MYH6: variants seen among roughly 807,000 people sequenced by gnomAD.
The protein encoded by MYH6 is myosin-6.
In MYH6, 126 loss-of-function variants were observed where a neutral mutation model predicts 223.2. The ratio of observed to expected loss-of-function variants is 0.56; its 90% CI spans 0.49 to 0.65. The LOEUF is 0.65. Among genes scored for constraint, MYH6 ranks in the 30% least tolerant of loss-of-function variants. The probability of loss-of-function intolerance (pLI) is 0.00; values close to 1 mark genes in which losing one functional copy is unlikely to be tolerated. For missense variants in MYH6, 2,040 were observed against 2,536.4 expected, an observed-to-expected ratio of 0.80 and a Z score of 4.20; for synonymous variants, 978 against 1,010.2, an observed-to-expected ratio of 0.97 and a Z score of 0.61.
intron 38 of MYH6, 138 bp downstream of exon 38, chr14:23,382,289 TG>T: frequency 7.4e-7 from 1 of 1,356,982 alleles, no homozygotes; most frequent in African/African-American, 1.4e-5. Context: ...AGCAGGAGAG[TG>T]GATTCTCAGG....
chr14:23,403,671 CAG>C (rs1566515559), intron 9 of MYH6, 42 bp downstream of exon 9: 1 of 1,557,260 alleles, frequency 6.4e-7, no homozygotes, highest in South Asian at 1.1e-5. Flanking sequence ...GGAGAGAAGG[CAG>C]AGGGGGACCT....
Position 23,388,112 on chromosome 14 carries a change from C to T in MYH6, c.4359+43G>A, listed in dbSNP as rs1891095114. 3 of 1,612,114 alleles carry T rather than the reference C, an allele frequency of 1.9e-6. No homozygotes were observed. The East Asian group carries it at 6.7e-5, about 36-fold the overall frequency. ...GGCCTCTCACTGAACCCCTCATGCC[C>T]CCTTGCCCTGCATGCTGGCTGCGGC... On this transcript the variant is annotated intron_variant, in intron 30 of 38. Coordinates refer to ENST00000405093, the MANE Select transcript of MYH6 (RefSeq NM_002471.4).
In MYH6 at chr14:23,384,640, C is replaced by T. The variant is rs753335327; in HGVS notation, c.5367G>A (p.Glu1789=). Residue 1789 remains glutamate (E), a synonymous_variant, in exon 36 of 39, where the codon GAG becomes GAA. Coordinates refer to ENST00000405093, the MANE Select transcript of MYH6 (RefSeq NM_002471.4). ...GGTGCTGCAGGTCCTTAATGGTCTGCTCCATGTTCTTCTTCATGCGCTCCA... is the reference window on the plus strand; with the variant it reads ...GGTGCTGCAGGTCCTTAATGGTCTGTTCCATGTTCTTCTTCATGCGCTCCA... The part of the protein sequence containing the change: ...AHLERMKKNM[E]QTIKDLQHRL... 66 of 1,614,142 alleles carry T rather than the reference C, an allele frequency of 4.1e-5. No homozygotes were observed. Among genetic ancestry groups the T allele is most frequent in the South Asian group, 2.6e-4 (24 of 91,090 alleles).
rs1306041612 is a variant in MYH6, at chr14:23,400,928, G to A, written c.1191C>T (p.Leu397=). The A allele has an allele frequency of 2.5e-6, 4 of 1,614,200 alleles. No homozygotes were observed. Among genetic ancestry groups the A allele is most frequent in the Non-Finnish European group, 3.4e-6 (4 of 1,180,042 alleles). Residue 397 remains leucine, a synonymous_variant, in exon 13 of 39, where the codon CTC becomes CTT. Coordinates refer to ENST00000405093, the MANE Select transcript of MYH6 (RefSeq NM_002471.4). The part of the protein sequence containing the change: ...YLMGLNSADL[L]KGLCHPRVKV... ...TCACCCGAGGGTGGCACAGCCCCTT[G>A]AGCAGGTCAGCTGAGTTCAGCCCCA...
In MYH6 at chr14:23,400,791, C is replaced by A. The variant is rs202096001; in HGVS notation, c.1328G>T (p.Arg443Leu). Residue 443 changes from arginine to leucine, a missense_variant, in exon 13 of 39, where the codon CGC becomes CTC. Physicochemically the swap from Arg to Leu is moderately radical, Grantham distance 102 (BLOSUM62 -2). Coordinates refer to ENST00000405093, the MANE Select transcript of MYH6 (RefSeq NM_002471.4). ...YEKMFNWMVT[R>L]INATLETKQP... ...CTTGGTCTCCAGGGTGGCGTTGATG[C>A]GCGTCACCATCCAGTTGAACATCTT... 3 of 1,614,184 alleles carry A rather than the reference C, an allele frequency of 1.9e-6. No individual in the cohort carries two copies. The highest frequency in any genetic ancestry group is 2.2e-5 in the South Asian group (2 of 91,078).
intron 17 of MYH6, 40 bp downstream of exon 17, chr14:23,397,130 C>A (rs1289467855): frequency 5.0e-6 from 8 of 1,614,070 alleles, no homozygotes; most frequent in African/African-American, 1.3e-5. Flanking sequence ...AAAGTGGATG[C>A]CAGCTGTCCT....
intron 14 of MYH6, chr14:23,399,954 T>G (rs1891547926): frequency 6.7e-6 from 3 of 446,280 alleles, no homozygotes; most frequent in South Asian, 4.4e-5. Context: ...CAGCCTAGGA[T>G]CTTTCCATGA....
In MYH6 at chr14:23,393,481, T is replaced by C; in HGVS notation, c.2966A>G (p.Glu989Gly). 6.2e-7 allele frequency: 1 copy of C among 1,614,166 alleles called. No homozygotes were observed. Among genetic ancestry groups the C allele is most frequent in the Non-Finnish European group, 8.5e-7 (1 of 1,180,020 alleles). ...CTCCTTGGTCAGCTTAGCGATGATT[T>C]CATCCAGCCCAGCCATCTCCTCTGT... ...NLTEEMAGLDEIIAKLTKEKK... is the reference protein window; with the variant it reads ...NLTEEMAGLDGIIAKLTKEKK... Residue 989 changes from glutamate to glycine, a missense_variant, in exon 23 of 39, where the codon GAA becomes GGA. Glu to Gly is a moderately conservative substitution (Grantham distance 98). Coordinates refer to ENST00000405093, the MANE Select transcript of MYH6 (RefSeq NM_002471.4).
chr14:23,404,298 A>C lies in MYH6; in HGVS notation c.733T>G (p.Phe245Val). The C allele has an allele frequency of 6.2e-7, 1 of 1,614,248 alleles. No individual in the cohort carries two copies. Among genetic ancestry groups the C allele is most frequent in the Non-Finnish European group, 8.5e-7 (1 of 1,180,028 alleles). Reference sequence around the variant, plus strand: ...TGGGAGTGGTCAAAGGCACTCACAAAGCGGGAGGAGTTGTCGTTCCGGACA... The same window carrying C: ...TGGGAGTGGTCAAAGGCACTCACAACGCGGGAGGAGTTGTCGTTCCGGACA... ...KTVRNDNSSR[F>V]GKFIRIHFGA... Residue 245 changes from phenylalanine (F) to valine (V), a missense_variant and splice_region_variant, in exon 8 of 39, where the codon TTT becomes GTT. Transcript: ENST00000405093.
rs960293630 is a variant in MYH6, at chr14:23,407,865, G to A, written c.-46-257C>T. ...CAGAGAGGCAGGGAGGTGAGAACAC[G>A]TGCCAAGAAGGAAGGACAAGGGAGA... On this transcript the variant is annotated intron_variant, in intron 1 of 38. Transcript: ENST00000405093. This position sits in a 1 kb window ranked among gnomAD's most constrained non-coding sequence, Gnocchi z 5.6. 3.3e-5 allele frequency among the ~76,000 whole-genome samples: 5 copies of A among 152,130 alleles called. No individual in the cohort carries two copies. Among genetic ancestry groups the A allele is most frequent in the Non-Finnish European group, 5.9e-5 (4 of 68,016 alleles).
At chr14:23,386,783 A>G (rs1450123197) in intron 32 of MYH6, among the ~76,000 whole-genome samples, 160 bp from the exon 33 acceptor site, 1 of 152,112 alleles carries the variant, frequency 6.6e-6, no homozygotes, top group Non-Finnish European at 1.5e-5. Context: ...CCACGGTGCT[A>G]TTGGGGAGAA....
At chr14:23,382,334 C>A in intron 38 of MYH6, 94 bp downstream of exon 38, 1 of 1,574,606 alleles carries the variant, frequency 6.4e-7, no homozygotes, top group Admixed American at 1.7e-5. Context: ...GAACTGCCTA[C>A]ATATAGGGCA....
In MYH6 at chr14:23,392,624, T is replaced by C. The variant is rs993052010; in HGVS notation, c.3280A>G (p.Ser1094Gly). The C allele has an allele frequency of 2.5e-6, 4 of 1,612,012 alleles. No homozygotes were observed. The highest frequency in any genetic ancestry group is 3.4e-6 in the Non-Finnish European group (4 of 1,179,118). Residue 1094 changes from serine to glycine, a missense_variant, in exon 25 of 39, where the codon AGT becomes GGT. By Grantham distance (56) the Ser-to-Gly change is moderately conservative. Transcript: ENST00000405093. ...KKEFDINQQN[S>G]KIEDEQVLAL... is the part of the protein sequence containing the mutation. ...AGCACCTGCTCATCCTCAATCTTAC[T>C]GTTCTGCTGATTAATGTCAAACTCC...
chr14:23,393,924 A>G lies in MYH6; in HGVS notation c.2686-16T>C. ...TGTCTTGTTCCTGGGAGAAGAGAAC[A>G]GGGAGGAAGCTGATGGTTAAAGAGA... On this transcript the variant is annotated splice_polypyrimidine_tract_variant and intron_variant, in intron 21 of 38. Transcript: ENST00000405093. 6.2e-7 allele frequency: 1 copy of G among 1,614,190 alleles called. No individual in the cohort carries two copies.
At chr14:23,403,173 C>T (rs17091631) in intron 10 of MYH6, among the ~76,000 whole-genome samples, 175 bp downstream of exon 10, 28,209 of 151,654 alleles carry the variant, frequency 0.19, 4,171 homozygotes, top group African/African-American at 0.41. Context: ...CGAGAGGAGA[C>T]GCAGGTGGTC....
In MYH6 at chr14:23,390,104, C is replaced by G; in HGVS notation, c.3685G>C (p.Glu1229Gln). ...LEKEKSEFKL[E>Q]LDDVTSNMEQ... is the part of the protein sequence containing the mutation. ...ATGTTGGAGGTGACGTCATCCAGCT[C>G]CAGCTTGAACTCGCTCTTCTCCTTC... Residue 1229 changes from glutamate (E) to glutamine (Q), a missense_variant, in exon 26 of 39, where the codon GAG (glutamate) becomes CAG (glutamine). Glu to Gln is a conservative substitution (Grantham distance 29). Around this residue, in one of 4 missense-constraint regions of MYH6, gnomAD observed 1,203 missense variants for 1,400.2 expected, o/e 0.86. Coordinates refer to ENST00000405093, the MANE Select transcript of MYH6 (RefSeq NM_002471.4). 1 of 1,612,706 alleles carries G rather than the reference C, an allele frequency of 6.2e-7. No individual in the cohort carries two copies. Among genetic ancestry groups the G allele is most frequent in the Non-Finnish European group, 8.5e-7 (1 of 1,179,716 alleles).
chr14:23,392,455 G>T, intron 25 of MYH6, 107 bp downstream of exon 25: 1 of 893,140 alleles, frequency 1.1e-6, no homozygotes. Flanking sequence ...GGTCTATGAG[G>T]CTGCCTGGAG....
rs186229905 is a variant in MYH6, at chr14:23,394,616, A to T, written c.2430-293T>A. Among the ~76,000 whole-genome samples, 572 of 152,330 alleles carry T rather than the reference A, an allele frequency of 3.8e-3. 1 individual carries two copies. The highest frequency in any genetic ancestry group is 4.9e-3 in the Non-Finnish European group (332 of 68,024). ...AAGAACTTCAAATATGTTAAAAATTATGTAGGGGTTTACATATAAGAATGT... is the reference window on the plus strand; with the variant it reads ...AAGAACTTCAAATATGTTAAAAATTTTGTAGGGGTTTACATATAAGAATGT... On this transcript the variant is annotated intron_variant, in intron 20 of 38. Coordinates refer to ENST00000405093, the MANE Select transcript of MYH6 (RefSeq NM_002471.4).
chr14:23,383,150 T>C (rs1287733670), intron 37 of MYH6, 75 bp downstream of exon 37: 5 of 1,308,762 alleles, frequency 3.8e-6, no homozygotes, highest in Non-Finnish European at 5.5e-6. Context: ...TCCAGGCCCC[T>C]CTGTAGGAGA....
Sources: allele counts gnomAD v4.1 joint callset (sites outside exome capture counted in the v4.1 genomes callset), GRCh38; gene constraint gnomAD v4.1.1; regional missense constraint gnomAD v4.1.1; non-coding constraint Gnocchi (gnomAD v3.1); transcripts MANE v1.5; gene names NCBI Gene and HGNC (gene_info 2026-07-23, HGNC 2026-07-21).